Variants in NEDD4 observed in about 807,000 individuals in gnomAD.
The protein encoded by NEDD4 is E3 ubiquitin-protein ligase NEDD4.
NEDD4 carries 99 observed loss-of-function variants against 144.9 expected under a neutral mutation model. The ratio of observed to expected loss-of-function variants is 0.68; its 90% CI spans 0.58 to 0.81. NEDD4 has a LOEUF of 0.81. Ranked by LOEUF, NEDD4 falls within the 30% of genes least tolerant of loss-of-function variation. The probability of loss-of-function intolerance (pLI) is 0.00; values close to 1 mark genes in which losing one functional copy is unlikely to be tolerated. For synonymous variants in NEDD4, 318 were observed against 350.6 expected (o/e 0.91, Z 1.04); for missense variants, 985 against 1,065.9 (o/e 0.92, Z 1.06).
At chr15:55,866,433 A>T (rs1222817341) in intron 8 of NEDD4, among the ~76,000 whole-genome samples, 1 of 152,022 alleles carries the variant, frequency 6.6e-6, no homozygotes, top group Admixed American at 6.6e-5. Flanking sequence ...ATATTGAATC[A>T]GACTGTATGT....
In NEDD4 at chr15:55,847,085, T is replaced by G. The variant is rs769691511; in HGVS notation, c.1543-51A>C. The G allele has an allele frequency of 1.5e-5, 19 of 1,229,684 alleles. 1 individual carries two copies. In the South Asian group the frequency reaches 2.6e-4, roughly 17 times the overall value. The allele number at this position is 1,229,684 out of a possible 1,614,324, so 76.2% of individuals were successfully genotyped here. ...AAAGAAGTTTAGGTTGTTTTTATTC[T>G]GGAACAATTTTTATTTGTTGTATTT... On this transcript the variant is annotated intron_variant, in intron 17 of 28. Transcript: ENST00000435532.
intron 5 of NEDD4, among the ~76,000 whole-genome samples, chr15:55,910,754 C>T (rs1161191176): frequency 2.0e-5 from 3 of 152,130 alleles, no homozygotes; most frequent in South Asian, 2.1e-4. Context: ...TTCTTCTTCA[C>T]CCTCCCAATC....
At chr15:55,899,499 T>G (rs970286621) in intron 5 of NEDD4, among the ~76,000 whole-genome samples, 1 of 152,198 alleles carries the variant, frequency 6.6e-6, no homozygotes, top group Non-Finnish European at 1.5e-5. Context: ...TACTGTTGCT[T>G]AAGAAAATAA....
chr15:55,853,418 A>T (rs1234595396), intron 12 of NEDD4, among the ~76,000 whole-genome samples: 1 of 152,224 alleles, frequency 6.6e-6, no homozygotes. Flanking sequence ...TTTACTGGTG[A>T]GTAAACAGAA....
rs1050441734 is a variant in NEDD4 at position 55,930,668 on chromosome 15, G to C, written c.238-5969C>G. 1.1e-4 allele frequency among the ~76,000 whole-genome samples: 17 copies of C among 152,308 alleles called. No homozygotes were observed. The South Asian group carries it at 3.1e-3, about 28-fold the overall frequency. ...ACCTGAATTGTAATAATCCAAATGT[G>C]TCAACGGCAGGGCTAGGTGGAGATA... On this transcript the variant is annotated intron_variant, in intron 4 of 28. Coordinates refer to ENST00000435532, the MANE Select transcript of NEDD4 (RefSeq NM_006154.4).
chr15:55,967,789 C>T (rs931955087), intron 1 of NEDD4, among the ~76,000 whole-genome samples: 11 of 151,924 alleles, frequency 7.2e-5, no homozygotes, highest in Non-Finnish European at 1.3e-4. Context: ...GGGTGGCCAA[C>T]GTGAGAGAAT....
chr15:55,984,965 T>C (rs1212311600), intron 1 of NEDD4, among the ~76,000 whole-genome samples: 1 of 152,256 alleles, frequency 6.6e-6, no homozygotes, highest in Non-Finnish European at 1.5e-5. Context: ...AACTGGTTCC[T>C]GCATGTCTCC....
Position 55,949,624 on chromosome 15 carries a change from C to A in NEDD4, c.237+1752G>T, listed in dbSNP as rs1357850248. Among the ~76,000 whole-genome samples, 8 of 152,170 alleles carry A rather than the reference C, an allele frequency of 5.3e-5. No individual in the cohort carries two copies. The South Asian group carries it at 1.0e-3, about 20-fold the overall frequency. ...CACCATGGAATACTATGCAGCCATA[C>A]AAAAGGATGAGTTCATGTCTTTTGT... On this transcript the variant is annotated intron_variant, in intron 4 of 28. Coordinates refer to ENST00000435532, the MANE Select transcript of NEDD4 (RefSeq NM_006154.4).
chr15:55,896,413 G>A lies in NEDD4; in HGVS notation c.292-22405C>T, dbSNP rs116870870. Among the ~76,000 whole-genome samples, 1,426 of 152,138 alleles carry A rather than the reference G, an allele frequency of 9.4e-3. 10 individuals are homozygous for A. The highest frequency in any genetic ancestry group is 0.016 in the Non-Finnish European group (1,068 of 67,994). On this transcript the variant is annotated intron_variant, in intron 5 of 28. Coordinates refer to ENST00000435532, the MANE Select transcript of NEDD4 (RefSeq NM_006154.4). ...TGGTTAGGCTGGTCTCGAACTCCTGGCCTCAAGGGATGCACCTGCCTTGGC... is the reference window on the plus strand; with the variant it reads ...TGGTTAGGCTGGTCTCGAACTCCTGACCTCAAGGGATGCACCTGCCTTGGC...
intron 6 of NEDD4, among the ~76,000 whole-genome samples, chr15:55,873,278 C>T (rs747130212): frequency 6.6e-6 from 1 of 152,154 alleles, no homozygotes; most frequent in African/African-American, 2.4e-5. Context: ...AGTGATAACA[C>T]TCAATCCTTC....
intron 2 of NEDD4, among the ~76,000 whole-genome samples, chr15:55,956,447 C>G (rs1295963039): frequency 2.6e-5 from 4 of 152,062 alleles, no homozygotes; most frequent in African/African-American, 9.7e-5. Flanking sequence ...TTAGCTCATA[C>G]TAATTTTCTG....
At chr15:55,940,968 T>G (rs1320451236) in intron 4 of NEDD4, among the ~76,000 whole-genome samples, 2 of 152,204 alleles carry the variant, frequency 1.3e-5, no homozygotes, top group East Asian at 3.8e-4. Context: ...TCTACTTATA[T>G]TGGTTTTAGT....
Position 55,848,577 on chromosome 15 carries a change from T to C in NEDD4, c.1429-2A>G. Reference sequence around the variant, plus strand: ...GTGAGTTCTCTCTTCCCATCCTGGCTATAATTAAAAATGTATTTCAATTAT... The same window carrying C: ...GTGAGTTCTCTCTTCCCATCCTGGCCATAATTAAAAATGTATTTCAATTAT... On this transcript the variant is annotated splice_acceptor_variant, in intron 15 of 28. Transcript: ENST00000435532. LOFTEE classifies it high-confidence loss of function. 1 of 1,611,872 alleles carries C rather than the reference T, an allele frequency of 6.2e-7. No individual in the cohort carries two copies. Among genetic ancestry groups the C allele is most frequent in the Non-Finnish European group, 8.5e-7 (1 of 1,178,380 alleles).
At chr15:55,922,724 G>A (rs899250081) in intron 5 of NEDD4, among the ~76,000 whole-genome samples, 1 of 152,070 alleles carries the variant, frequency 6.6e-6, no homozygotes, top group Non-Finnish European at 1.5e-5. Context: ...AGCAAAGAAT[G>A]ATAAAAACAA....
At chr15:55,985,252 C>T (rs1037895436) in intron 1 of NEDD4, among the ~76,000 whole-genome samples, 2 of 152,222 alleles carry the variant, frequency 1.3e-5, no homozygotes, top group African/African-American at 4.8e-5. Flanking sequence ...CTGTTCCTGG[C>T]GCAGAGCAGT....
At chr15:55,874,080 G>T in intron 5 of NEDD4, 72 bp from the exon 6 acceptor site, 2 of 809,266 alleles carry the variant, frequency 2.5e-6, no homozygotes, top group South Asian at 1.8e-5. Flanking sequence ...ATGAGATAGT[G>T]CCACCATTCA....
Position 55,828,764 on chromosome 15 carries a change from T to C in NEDD4, c.*1133A>G, listed in dbSNP as rs16976592. ...AATTCTGGATTTGTAATTAAAAACA[T>C]TGTCTTCATAGTAAACAGTATTTTA... On this transcript the variant is annotated 3_prime_UTR_variant, in exon 29 of 29. Coordinates refer to ENST00000435532, the MANE Select transcript of NEDD4 (RefSeq NM_006154.4). 21,091 of 152,672 alleles carry C rather than the reference T, an allele frequency of 0.14. 1,736 individuals carry two copies. The highest frequency in any genetic ancestry group is 0.38 in the East Asian group (1,944 of 5,178). 9.5% of individuals were successfully genotyped at this position (152,672 alleles called of 1,614,324 possible).
In NEDD4 at chr15:55,944,488, C is replaced by G. The variant is rs554012304; in HGVS notation, c.237+6888G>C. ...GTAGGTAAACAAAGCAGCCGGGAAG[C>G]TGAAACTAGGCAGAGCCCACCTCAG... On this transcript the variant is annotated intron_variant, in intron 4 of 28. Transcript: ENST00000435532. Among the ~76,000 whole-genome samples the G allele has an allele frequency of 1.8e-4, 27 of 152,318 alleles. 1 individual carries two copies. Among genetic ancestry groups the G allele is most frequent in the African/African-American group, 6.5e-4 (27 of 41,568 alleles).
intron 5 of NEDD4, among the ~76,000 whole-genome samples, chr15:55,902,971 A>T (rs1426298996): frequency 6.6e-6 from 1 of 152,150 alleles, no homozygotes; most frequent in Non-Finnish European, 1.5e-5. Flanking sequence ...ATTGCATTCC[A>T]GCCTGGGTGA....
Sources: gnomAD v4.1 joint callset for allele counts (sites outside exome capture counted in the v4.1 genomes callset) on GRCh38, gnomAD v4.1.1 for gene constraint, MANE v1.5 for transcripts, NCBI Gene and HGNC (gene_info 2026-07-23, HGNC 2026-07-21) for gene names.